Variants in PCDHGA1 observed in about 807,000 individuals in gnomAD.
The protein encoded by PCDHGA1 is protocadherin gamma subfamily A, 1, also known as protocadherin gamma-A1.
PCDHGA1 carries 32 observed loss-of-function variants against 58.0 expected under a neutral mutation model. The observed-to-expected ratio is 0.55, with a 90% CI of 0.42 to 0.74. The LOEUF (loss-of-function observed/expected upper bound fraction) is 0.74. Among genes scored for constraint, PCDHGA1 ranks in the 30% least tolerant of loss-of-function variants. The pLI is 0.00. For synonymous variants in PCDHGA1, 498 were observed against 501.1 expected (o/e 0.99, Z 0.08); for missense variants, 1,205 against 1,182.3 (o/e 1.02, Z -0.28).
At chr5:141,360,096 T>A in intron 1 of PCDHGA1, 1 of 1,526,388 alleles carries the variant, frequency 6.6e-7, no homozygotes, top group Non-Finnish European at 8.8e-7. Flanking sequence ...CCCGGAAGGC[T>A]TATTCCTCCT....
At chr5:141,420,468 T>G in intron 1 of PCDHGA1, 1 of 799,886 alleles carries the variant, frequency 1.3e-6, no homozygotes, top group East Asian at 3.3e-5. Context: ...CAAAGACATT[T>G]TAAAGCAAAC....
intron 1 of PCDHGA1, chr5:141,399,115 G>C: frequency 6.2e-7 from 1 of 1,613,814 alleles, no homozygotes; most frequent in Non-Finnish European, 8.5e-7. Context: ...ATGTACAGTT[G>C]AAATTAATAT....
chr5:141,404,798 C>T (rs1422774939), intron 1 of PCDHGA1: 2 of 1,613,842 alleles, frequency 1.2e-6, no homozygotes, highest in Admixed American at 1.7e-5. Context: ...TGAGCCAGGG[C>T]TCTTCTCGGT....
chr5:141,352,373 C>T, intron 1 of PCDHGA1: 1 of 1,614,052 alleles, frequency 6.2e-7, no homozygotes, highest in Non-Finnish European at 8.5e-7. Flanking sequence ...CGCGGTGATT[C>T]TAGCGATCGC....
In PCDHGA1 at chr5:141,431,317, C is replaced by G; in HGVS notation, c.2422-63490C>G. 2 of 1,614,082 alleles carry G rather than the reference C, an allele frequency of 1.2e-6. No homozygotes were observed. The highest frequency in any genetic ancestry group is 1.7e-6 in the Non-Finnish European group (2 of 1,180,038). On this transcript the variant is annotated intron_variant, in intron 1 of 3. Transcript: ENST00000517417. The surrounding 1 kb of genome is among the most constrained non-coding windows in gnomAD (Gnocchi z 4.8). ...TCTCCCTCATCGTGCAAAATGGAGC[C>G]GACGGTAGTAAGTACCCCGAATTGG...
intron 1 of PCDHGA1, chr5:141,408,352 C>T: frequency 6.2e-7 from 1 of 1,613,918 alleles, no homozygotes; most frequent in South Asian, 1.1e-5. Flanking sequence ...TGGGGAACCT[C>T]GCTAAGGATC....
At chr5:141,436,467 A>G (rs2097825090) in intron 1 of PCDHGA1, among the ~76,000 whole-genome samples, 1 of 152,216 alleles carries the variant, frequency 6.6e-6, no homozygotes, top group South Asian at 2.1e-4. Flanking sequence ...GAATTTTCAG[A>G]TGTATCATAG....
chr5:141,353,378 T>G (rs1759264179), intron 1 of PCDHGA1, among the ~76,000 whole-genome samples: 2 of 152,228 alleles, frequency 1.3e-5, no homozygotes, highest in Admixed American at 1.3e-4. Context: ...AATTATGTAT[T>G]AATGTAATTA....
intron 1 of PCDHGA1, chr5:141,377,300 T>A (rs929187277): frequency 3.3e-5 from 5 of 152,140 alleles, no homozygotes; most frequent in Admixed American, 2.6e-4. Flanking sequence ...TTTAGGTCAG[T>A]GTTAAAGATC....
chr5:141,410,518 C>T (rs753664223), intron 1 of PCDHGA1: 1 of 1,613,820 alleles, frequency 6.2e-7, no homozygotes, highest in Non-Finnish European at 8.5e-7. Flanking sequence ...GCAGTGTGCC[C>T]CTACATTCCA....
At chr5:141,405,488 C>A in intron 1 of PCDHGA1, 1 of 895,936 alleles carries the variant, frequency 1.1e-6, no homozygotes, top group Non-Finnish European at 1.7e-6. Context: ...GGTGTGATCT[C>A]GGCTCATTGC....
chr5:141,418,093 C>A, intron 1 of PCDHGA1: 2 of 1,614,032 alleles, frequency 1.2e-6, no homozygotes, highest in Non-Finnish European at 1.7e-6. Context: ...TCAGCGTAGA[C>A]GCGCAGAGCG....
In PCDHGA1 at chr5:141,398,664, A is replaced by G. The variant is rs762356100; in HGVS notation, c.2421+65559A>G. The G allele has an allele frequency of 4.3e-6, 7 of 1,612,604 alleles. No individual in the cohort carries two copies. In the East Asian group the frequency reaches 8.9e-5, roughly 21 times the overall value. ...AACTCTCTCTTAACCCAAGTTTCTC[A>G]TTAATAATTAAGGAGAAACAGGATG... On this transcript the variant is annotated intron_variant, in intron 1 of 3. Transcript: ENST00000517417.
intron 3 of PCDHGA1, among the ~76,000 whole-genome samples, chr5:141,506,473 G>A (rs976701500): frequency 2.7e-4 from 40 of 150,506 alleles, no homozygotes; most frequent in Admixed American, 1.5e-3. Flanking sequence ...AAAGAGCACA[G>A]GCTTTAGAGG....
At chr5:141,460,983 G>GTGTGTA (rs1554142949) in intron 1 of PCDHGA1, among the ~76,000 whole-genome samples, 82 of 137,842 alleles carry the variant, frequency 5.9e-4, no homozygotes, top group African/African-American at 1.9e-3. Flanking sequence ...GTGTGTGTGT[G>GTGTGTA]TATATATATA....
intron 1 of PCDHGA1, chr5:141,340,710 G>A (rs899548456): frequency 1.1e-5 from 18 of 1,614,102 alleles, no homozygotes; most frequent in East Asian, 2.2e-5. Flanking sequence ...CTGGCGCCCC[G>A]CTCCGCAGAG....
Position 141,494,920 on chromosome 5 carries a change from G to A in PCDHGA1, c.2480+55G>A, listed in dbSNP as rs1329724849. The A allele has an allele frequency of 1.8e-5, 29 of 1,613,680 alleles. No individual in the cohort carries two copies. The East Asian group carries it at 6.5e-4, about 36-fold the overall frequency. On this transcript the variant is annotated intron_variant, in intron 2 of 3. Coordinates refer to ENST00000517417, the MANE Select transcript of PCDHGA1 (RefSeq NM_018912.3). ...TTCTCTGCGGCATTTTCTCAGGGAT[G>A]ACGTGGGAGGAGATGGGGGAGGGCC...
intron 1 of PCDHGA1, among the ~76,000 whole-genome samples, chr5:141,406,302 C>T (rs897412289): frequency 1.3e-4 from 20 of 152,020 alleles, no homozygotes; most frequent in African/African-American, 4.8e-4. Context: ...GAGGTGTGAA[C>T]CACCTCACCC....
rs2099661624 is a variant in PCDHGA1, at chr5:141,487,712, G to A, written c.2422-7095G>A. The stretch of plus-strand genomic sequence containing the variant: ...AGAGAGTACTGGCCTCTCAGTAAGT[G>A]CCCATAGTGATGTCACCATTTTTGT... On this transcript the variant is annotated intron_variant, in intron 1 of 3. Coordinates refer to ENST00000517417, the MANE Select transcript of PCDHGA1 (RefSeq NM_018912.3). The surrounding 1 kb of genome is among the most constrained non-coding windows in gnomAD (Gnocchi z 5.0). The A allele has an allele frequency of 5.0e-6, 8 of 1,585,892 alleles. No individual in the cohort carries two copies. The highest frequency in any genetic ancestry group is 1.1e-5 in the South Asian group (1 of 87,950).
Sources: gnomAD v4.1 joint callset for allele counts (sites outside exome capture counted in the v4.1 genomes callset) on GRCh38, gnomAD v4.1.1 for gene constraint, Gnocchi (gnomAD v3.1) non-coding constraint, MANE v1.5 for transcripts, NCBI Gene and HGNC (gene_info 2026-07-23, HGNC 2026-07-21) for gene names.